Variants in UBXN2A observed in about 807,000 individuals in gnomAD.
UBXN2A encodes UBX domain-containing protein 2A.
UBXN2A carries 28 observed loss-of-function variants against 28.4 expected under a neutral mutation model. That is an observed-to-expected ratio of 0.99 (90% CI 0.73 to 1.35). The LOEUF (loss-of-function observed/expected upper bound fraction) is 1.35, where lower values mean the gene tolerates loss of function less well. Ranked by LOEUF, UBXN2A falls within the 40% of genes most tolerant of loss-of-function variation. UBXN2A has a pLI of 0.00. For missense variants in UBXN2A, 253 were observed against 297.9 expected (o/e 0.85, Z 1.11); for synonymous variants, 97 against 103.6 (o/e 0.94, Z 0.39).
intron 6 of UBXN2A, among the ~76,000 whole-genome samples, chr2:23,992,661 T>G (rs1708395606): frequency 6.6e-6 from 1 of 152,224 alleles, no homozygotes; most frequent in Non-Finnish European, 1.5e-5. Flanking sequence ...GTGCCATATT[T>G]TAGGGTAGCA....
chr2:23,942,441 T>TG lies in UBXN2A; in HGVS notation c.-15+1794dup, dbSNP rs1293410144. ...GGGCTTTTTTTTTTTTTTTTTTTTT[T>TG]GTTACAGAGTCTCGCTCTGTCACCC... On this transcript the variant is annotated intron_variant, in intron 1 of 6. Coordinates refer to ENST00000309033, the MANE Select transcript of UBXN2A (RefSeq NM_181713.4). Among the ~76,000 whole-genome samples, 16 of 148,772 alleles carry TG rather than the reference T, an allele frequency of 1.1e-4. No homozygotes were observed. In the Admixed American group the frequency reaches 1.1e-3, roughly 10 times the overall value.
intron 1 of UBXN2A, chr2:23,944,375 C>G: frequency 7.1e-7 from 1 of 1,409,942 alleles, no homozygotes; most frequent in East Asian, 2.3e-5. Context: ...CCAGCATCAT[C>G]TTCCTACACA....
intron 1 of UBXN2A, among the ~76,000 whole-genome samples, chr2:23,941,262 G>T (rs372642419): frequency 1.3e-5 from 2 of 152,210 alleles, no homozygotes; most frequent in African/African-American, 4.8e-5. Flanking sequence ...GGAAACTGCT[G>T]ATTTGTTTTG....
chr2:23,994,999 C>T (rs1231147124), intron 6 of UBXN2A, among the ~76,000 whole-genome samples: 1 of 152,220 alleles, frequency 6.6e-6, no homozygotes, highest in Non-Finnish European at 1.5e-5. Flanking sequence ...ACTCTAGAGT[C>T]TGTGTGCCCA....
chr2:23,952,127 C>T (rs982042396), intron 1 of UBXN2A, among the ~76,000 whole-genome samples: 3 of 151,824 alleles, frequency 2.0e-5, no homozygotes, highest in East Asian at 1.9e-4. Context: ...CCATCACACC[C>T]GCCTAATTTT....
At chr2:23,977,890 G>T (rs1188673056) in intron 4 of UBXN2A, among the ~76,000 whole-genome samples, 2 of 151,978 alleles carry the variant, frequency 1.3e-5, no homozygotes, top group African/African-American at 2.4e-5. Flanking sequence ...GGAATACAGT[G>T]ACATGATCTC....
chr2:23,979,636 A>G (rs1707813517), intron 4 of UBXN2A, among the ~76,000 whole-genome samples: 1 of 152,106 alleles, frequency 6.6e-6, no homozygotes. Context: ...TGGCACGATC[A>G]TAGTTCATTG....
chr2:23,982,776 G>T (rs551069254), intron 4 of UBXN2A, 120 bp from the exon 5 acceptor site: 5 of 1,050,586 alleles, frequency 4.8e-6, no homozygotes, highest in South Asian at 2.5e-5. Context: ...TTATTTCATT[G>T]TATAGAATAT....
chr2:23,959,894 TA>T (rs1282170212), intron 2 of UBXN2A, among the ~76,000 whole-genome samples: 3 of 152,164 alleles, frequency 2.0e-5, no homozygotes, highest in African/African-American at 4.8e-5. Flanking sequence ...TCACATTGTT[TA>T]TATAAACTGT....
chr2:23,978,312 C>A (rs1337920432), intron 4 of UBXN2A, among the ~76,000 whole-genome samples: 3 of 152,150 alleles, frequency 2.0e-5, no homozygotes, highest in African/African-American at 7.2e-5. Context: ...TCTGACCCTA[C>A]TCTGGCTTGG....
intron 1 of UBXN2A, among the ~76,000 whole-genome samples, chr2:23,955,990 G>A (rs1164433216): frequency 6.6e-6 from 1 of 152,094 alleles, no homozygotes; most frequent in Non-Finnish European, 1.5e-5. Flanking sequence ...TCAGCCTCCT[G>A]AGTAGTGGAG....
Position 23,941,534 on chromosome 2 carries a change from A to G in UBXN2A, c.-15+886A>G, listed in dbSNP as rs138253512. On this transcript the variant is annotated intron_variant, in intron 1 of 6. Coordinates refer to ENST00000309033, the MANE Select transcript of UBXN2A (RefSeq NM_181713.4). ...TAAGCACACTAATGATATGAGGCTGACTGCAGTCCAGTGTTAATGGAAGCT... is the reference window on the plus strand; with the variant it reads ...TAAGCACACTAATGATATGAGGCTGGCTGCAGTCCAGTGTTAATGGAAGCT... Among the ~76,000 whole-genome samples the G allele has an allele frequency of 3.5e-3, 527 of 152,302 alleles. 4 individuals carry two copies. Among genetic ancestry groups the G allele is most frequent in the African/African-American group, 0.012 (512 of 41,560 alleles).
chr2:23,987,491 A>G (rs1708176758), intron 6 of UBXN2A, among the ~76,000 whole-genome samples: 3 of 152,134 alleles, frequency 2.0e-5, no homozygotes, highest in Non-Finnish European at 4.4e-5. Flanking sequence ...AAACTTACAG[A>G]AAAAGGACCT....
intron 6 of UBXN2A, among the ~76,000 whole-genome samples, chr2:23,992,524 A>G (rs954954283): frequency 3.3e-5 from 5 of 152,230 alleles, no homozygotes; most frequent in African/African-American, 9.6e-5. Flanking sequence ...TACCTCGGAA[A>G]GGAAGGTTTT....
At chr2:23,968,541 C>T (rs1316758972) in intron 2 of UBXN2A, among the ~76,000 whole-genome samples, 1 of 151,392 alleles carries the variant, frequency 6.6e-6, no homozygotes, top group African/African-American at 2.4e-5. Context: ...GGTGTGGTGG[C>T]GGGTGCCTGT....
intron 1 of UBXN2A, chr2:23,944,452 T>G: frequency 1.3e-6 from 1 of 799,488 alleles, no homozygotes; most frequent in South Asian, 1.4e-5. Context: ...TCTCCTTATT[T>G]GTTTAGATTC....
chr2:23,963,695 G>A (rs1484196202), intron 2 of UBXN2A, among the ~76,000 whole-genome samples: 2 of 152,134 alleles, frequency 1.3e-5, no homozygotes, highest in African/African-American at 2.4e-5. Context: ...CACTGTTGAT[G>A]GGGATGCAAA....
At chr2:23,986,490 T>G in intron 6 of UBXN2A, among the ~76,000 whole-genome samples, 1 of 152,036 alleles carries the variant, frequency 6.6e-6, no homozygotes, top group Non-Finnish European at 1.5e-5. Flanking sequence ...TCAATTATAG[T>G]GAAAGAATGA....
At chr2:23,964,059 G>A (rs1707053870) in intron 2 of UBXN2A, among the ~76,000 whole-genome samples, 1 of 151,622 alleles carries the variant, frequency 6.6e-6, no homozygotes, top group African/African-American at 2.4e-5. Flanking sequence ...TTGAGCCTAG[G>A]AGTTCTAGGC....
Sources: gnomAD v4.1 joint callset for allele counts (sites outside exome capture counted in the v4.1 genomes callset) on GRCh38, gnomAD v4.1.1 for gene constraint, MANE v1.5 for transcripts, NCBI Gene and HGNC (gene_info 2026-07-23, HGNC 2026-07-21) for gene names.